Variants in SNX30 observed in about 807,000 individuals in gnomAD.
SNX30 encodes the protein sorting nexin-30.
In SNX30, 24 loss-of-function variants were observed where a neutral mutation model predicts 46.4. The ratio of observed to expected loss-of-function variants is 0.52; its 90% CI spans 0.37 to 0.73. SNX30 has a LOEUF of 0.73. SNX30 is among the 30% of genes least tolerant of loss of function. The pLI is 0.00. For missense variants in SNX30, 533 were observed against 555.7 expected (o/e 0.96, Z 0.41); for synonymous variants, 189 against 211.5 (o/e 0.89, Z 0.92).
chr9:112,824,917 G>C (rs1337148624), intron 3 of SNX30, among the ~76,000 whole-genome samples: 1 of 152,086 alleles, frequency 6.6e-6, no homozygotes, highest in Non-Finnish European at 1.5e-5. Context: ...AGTGTTGTAC[G>C]ACCATCACCA....
At chr9:112,813,469 A>T (rs866582639) in intron 2 of SNX30, among the ~76,000 whole-genome samples, 11 of 132,342 alleles carry the variant, frequency 8.3e-5, no homozygotes, top group Admixed American at 7.7e-4. Flanking sequence ...ACTGTATTTA[A>T]TTTTTTTTTT....
chr9:112,835,632 A>G (rs1199830181), intron 4 of SNX30, among the ~76,000 whole-genome samples: 2 of 152,118 alleles, frequency 1.3e-5, no homozygotes, highest in Admixed American at 6.5e-5. Flanking sequence ...AATAAGCTTT[A>G]TATTTAGATA....
At chr9:112,860,177 A>G (rs1588141519) in intron 7 of SNX30, among the ~76,000 whole-genome samples, 1 of 151,336 alleles carries the variant, frequency 6.6e-6, no homozygotes, top group South Asian at 2.1e-4. Context: ...CGATCTCTTG[A>G]CCTTGTGATC....
chr9:112,758,961 G>A (rs574890802), intron 1 of SNX30, among the ~76,000 whole-genome samples: 48 of 152,046 alleles, frequency 3.2e-4, no homozygotes, highest in Middle Eastern at 3.4e-3. Flanking sequence ...ACACACGCGC[G>A]CACGTGCACA....
chr9:112,796,243 G>T (rs1840105443), intron 1 of SNX30, among the ~76,000 whole-genome samples: 1 of 152,242 alleles, frequency 6.6e-6, no homozygotes, highest in African/African-American at 2.4e-5. Flanking sequence ...TGACAGAGCT[G>T]TTCGGAGGCC....
At chr9:112,777,200 C>T (rs1338666679) in intron 1 of SNX30, among the ~76,000 whole-genome samples, 2 of 152,024 alleles carry the variant, frequency 1.3e-5, no homozygotes, top group African/African-American at 2.4e-5. Context: ...TGATGGCATC[C>T]GTTCCTGTTT....
intron 8 of SNX30, among the ~76,000 whole-genome samples, chr9:112,866,798 C>G (rs1205145467): frequency 3.0e-5 from 4 of 134,298 alleles, no homozygotes; most frequent in Middle Eastern, 4.3e-3. Flanking sequence ...GAATTCCTCC[C>G]CCTCCTCAGA....
At chr9:112,795,634 T>C (rs1840093347) in intron 1 of SNX30, among the ~76,000 whole-genome samples, 1 of 152,034 alleles carries the variant, frequency 6.6e-6, no homozygotes, top group South Asian at 2.1e-4. Flanking sequence ...ACATTTCAGA[T>C]CTTTATGTGG....
In SNX30 at chr9:112,874,205, T is replaced by C. The variant is rs1841487408; in HGVS notation, c.*5362T>C. The stretch of plus-strand genomic sequence containing the variant: ...TGAGTCAGTGTGATGAAGCAGTGGC[T>C]CTGTCATCTCGGCCTTTATCCAATA... On this transcript the variant is annotated 3_prime_UTR_variant, in exon 9 of 9. Transcript: ENST00000374232. The C allele has an allele frequency of 6.6e-6, 1 of 152,262 alleles. No individual in the cohort carries two copies. The highest frequency in any genetic ancestry group is 2.4e-5 in the African/African-American group (1 of 41,452). 9.4% of individuals were successfully genotyped at this position (152,262 alleles called of 1,614,324 possible).
intron 1 of SNX30, among the ~76,000 whole-genome samples, chr9:112,794,463 A>G (rs1261688857): frequency 6.6e-6 from 1 of 152,140 alleles, no homozygotes; most frequent in Non-Finnish European, 1.5e-5. Flanking sequence ...CACATTCTTT[A>G]AGCATCTGCT....
chr9:112,840,138 C>T (rs943315937), intron 6 of SNX30, among the ~76,000 whole-genome samples: 3 of 152,180 alleles, frequency 2.0e-5, no homozygotes, highest in African/African-American at 7.2e-5. Context: ...TAATAAAACA[C>T]TTTCCAAGCC....
chr9:112,793,797 G>GTTTTTTT (rs200559435), intron 1 of SNX30, among the ~76,000 whole-genome samples: 27 of 137,144 alleles, frequency 2.0e-4, no homozygotes, highest in Non-Finnish European at 2.7e-4. Context: ...TACCTCCACT[G>GTTTTTTT]TTTTTTGTTT....
chr9:112,763,846 TAAA>T (rs60051703), intron 1 of SNX30, among the ~76,000 whole-genome samples: 6 of 123,584 alleles, frequency 4.9e-5, no homozygotes, highest in African/African-American at 1.2e-4. Flanking sequence ...AGACTCTGAC[TAAA>T]AAAAAAAAAA....
intron 1 of SNX30, among the ~76,000 whole-genome samples, chr9:112,793,828 C>G (rs1270375029): frequency 7.5e-6 from 1 of 132,750 alleles, no homozygotes; most frequent in African/African-American, 2.7e-5. Context: ...CTTTCATTCT[C>G]TAGGTTAAAT....
Position 112,868,973 on chromosome 9 carries a change from TC to T in SNX30, c.*133del. On this transcript the variant is annotated 3_prime_UTR_variant, in exon 9 of 9. Coordinates refer to ENST00000374232, the MANE Select transcript of SNX30 (RefSeq NM_001012994.2). ...GAAACATCTCTCCTTTGTGTATTTT[TC>T]CCTCCCCCACCTTTCACCCCACAGT... 2 of 898,352 alleles carry T rather than the reference TC, an allele frequency of 2.2e-6. No homozygotes were observed. 55.6% of individuals were successfully genotyped at this position (898,352 alleles called of 1,614,324 possible).
intron 1 of SNX30, among the ~76,000 whole-genome samples, chr9:112,758,336 CTTTT>C (rs1031135326): frequency 6.8e-6 from 1 of 147,222 alleles, no homozygotes; most frequent in African/African-American, 2.5e-5. Context: ...TGCGCTCTCT[CTTTT>C]TTTTTTTGAG....
intron 1 of SNX30, among the ~76,000 whole-genome samples, chr9:112,781,875 C>G (rs989337340): frequency 1.3e-5 from 2 of 151,434 alleles, no homozygotes; most frequent in African/African-American, 4.9e-5. Flanking sequence ...CTCCTGAAAT[C>G]AGGTGATCCA....
rs763668515 is a variant in SNX30 at position 112,804,913 on chromosome 9, C to T, written c.294C>T (p.Pro98=). ...ATCTCTTCGTTATAGTTGATGATCC[C>T]AAGAAGCATGTGTGTACAATGGAGA... ...TRDLFVIVDD[P]KKHVCTMETY... The change falls in exon 2 of 9, where the codon CCC becomes CCT. Residue 98 remains proline, a synonymous_variant. Transcript: ENST00000374232. 1.2e-5 allele frequency: 19 copies of T among 1,613,654 alleles called. No homozygotes were observed. The highest frequency in any genetic ancestry group is 1.6e-5 in the Non-Finnish European group (19 of 1,179,802).
chr9:112,758,742 G>A (rs550774163), intron 1 of SNX30, among the ~76,000 whole-genome samples: 4 of 152,230 alleles, frequency 2.6e-5, no homozygotes, highest in South Asian at 4.1e-4. Flanking sequence ...TGGGCGTGGT[G>A]GCTCTTGCCT....
Sources: gnomAD v4.1 joint callset for allele counts (sites outside exome capture counted in the v4.1 genomes callset) on GRCh38, gnomAD v4.1.1 for gene constraint, MANE v1.5 for transcripts, NCBI Gene and HGNC (gene_info 2026-07-23, HGNC 2026-07-21) for gene names.